Variants in HIGD1C observed in about 807,000 individuals in gnomAD.
HIGD1C encodes the protein HIG1 hypoxia inducible domain family member 1C.
Under a neutral mutation model 13.1 loss-of-function variants are expected in HIGD1C, and 11 were observed. The observed-to-expected ratio is 0.84, with a 90% CI of 0.53 to 1.39. The LOEUF is 1.39. Ranked by LOEUF, HIGD1C falls within the 40% of genes most tolerant of loss-of-function variation. HIGD1C has a pLI of 0.00. For synonymous variants in HIGD1C, 36 were observed against 37.7 expected, an observed-to-expected ratio of 0.95 and a Z score of 0.17; for missense variants, 110 against 112.0, an observed-to-expected ratio of 0.98 and a Z score of 0.08.
chr12:50,932,194 G>T, the HIGD1C span: 2 of 152,126 alleles, frequency 1.3e-5, no homozygotes, highest in Non-Finnish European at 2.9e-5. Context: ...GAATAATTAG[G>T]TATCCTAGGT....
the HIGD1C span, among the ~76,000 whole-genome samples, chr12:50,937,018 C>T: frequency 6.6e-6 from 1 of 152,198 alleles, no homozygotes; most frequent in African/African-American, 2.4e-5. Context: ...GATTTCACAC[C>T]AGCAATTTCT....
At chr12:50,957,774 A>T (rs938279114) in intron 1 of HIGD1C, among the ~76,000 whole-genome samples, 1 of 151,910 alleles carries the variant, frequency 6.6e-6, no homozygotes, top group Non-Finnish European at 1.5e-5. Flanking sequence ...AATCCCAGCT[A>T]CTCAAGAGGC....
At chr12:50,970,614 G>T, downstream of HIGD1C, 1 of 668,874 alleles carries the variant, frequency 1.5e-6, no homozygotes. Flanking sequence ...GTCACAGAAT[G>T]CTCATAGCCT....
intron 2 of HIGD1C, among the ~76,000 whole-genome samples, chr12:50,963,395 A>G (rs2630368): frequency 6.8e-6 from 1 of 146,118 alleles, no homozygotes; most frequent in African/African-American, 2.5e-5. Flanking sequence ...AAAAAAAAAG[A>G]AAAGAAAAGA....
chr12:50,959,900 TCAA>T (rs1939259903), intron 1 of HIGD1C, among the ~76,000 whole-genome samples: 1 of 152,224 alleles, frequency 6.6e-6, no homozygotes, highest in Non-Finnish European at 1.5e-5. Context: ...TCCACCCGCC[TCAA>T]CCTCCCAAAG....
the HIGD1C span, among the ~76,000 whole-genome samples, chr12:50,938,401 C>T: frequency 6.6e-6 from 1 of 152,190 alleles, no homozygotes; most frequent in African/African-American, 2.4e-5. Context: ...AGGGAGCAGG[C>T]ACTTCCAAGC....
rs569185748 is a variant in HIGD1C, at chr12:50,961,187, G to T, written c.229+85G>T. The T allele has an allele frequency of 2.2e-6, 3 of 1,373,372 alleles. No individual in the cohort carries two copies. In the Admixed American group the frequency reaches 5.7e-5, roughly 26 times the overall value. The allele number at this position is 1,373,372 out of a possible 1,614,324, so 85.1% of individuals were successfully genotyped here. A position where few individuals can be genotyped will look rare whatever the true frequency, so the allele number is the denominator to read the frequency against. On this transcript the variant is annotated intron_variant, in intron 2 of 2. Transcript: ENST00000398455. ...TATTCATTCATAGTAGAAGATGAAT[G>T]TTGGGTCACAATGATGTAATGAGAG...
the HIGD1C span, chr12:50,931,429 G>A: frequency 6.6e-6 from 1 of 151,848 alleles, no homozygotes; most frequent in African/African-American, 2.4e-5. Context: ...GAGACAGGGG[G>A]CTGGGCGTGG....
At chr12:50,937,677 G>A in the HIGD1C span, among the ~76,000 whole-genome samples, 1 of 152,182 alleles carries the variant, frequency 6.6e-6, no homozygotes, top group African/African-American at 2.4e-5. Flanking sequence ...ACACTGGAGG[G>A]TGAAGAAGGC....
chr12:50,931,711 CAAAAAAAAAAA>C, the HIGD1C span: 1 of 43,380 alleles, frequency 2.3e-5, no homozygotes, highest in African/African-American at 8.0e-5. Flanking sequence ...GACTCCGTCT[CAAAAAAAAAAA>C]AAAAAAAAAA....
At chr12:50,955,438 T>C (rs1208236471) in intron 1 of HIGD1C, among the ~76,000 whole-genome samples, 1 of 152,244 alleles carries the variant, frequency 6.6e-6, no homozygotes, top group Non-Finnish European at 1.5e-5. Context: ...CTGAGCTTTC[T>C]CTTTCTTCTC....
chr12:50,934,782 C>A, the HIGD1C span, among the ~76,000 whole-genome samples: 1 of 152,164 alleles, frequency 6.6e-6, no homozygotes, highest in South Asian at 2.1e-4. Context: ...AGAAACCAGA[C>A]AGGGCTGGGC....
At chr12:50,935,879 C>T in the HIGD1C span, among the ~76,000 whole-genome samples, 8 of 152,148 alleles carry the variant, frequency 5.3e-5, no homozygotes, top group Middle Eastern at 3.2e-3. Context: ...CTGACACTGC[C>T]GGGCACAGTG....
rs200801540 is a variant in HIGD1C at position 50,953,959 on chromosome 12, C to T, written c.-40C>T. ...AAAACAAATTATTTTTAATGATTCA[C>T]GGCAACCACATTTATATCCTATTGT... On this transcript the variant is annotated 5_prime_UTR_variant, in exon 1 of 3. Coordinates refer to ENST00000398455, the Ensembl canonical transcript of HIGD1C. 115 of 1,178,212 alleles carry T rather than the reference C, an allele frequency of 9.8e-5. No individual in the cohort carries two copies. The East Asian group carries it at 2.3e-3, about 24-fold the overall frequency. 73.0% of individuals were successfully genotyped at this position (1,178,212 alleles called of 1,614,324 possible).
At chr12:50,968,872 T>C (rs1939651173) in intron 2 of HIGD1C, among the ~76,000 whole-genome samples, 1 of 151,014 alleles carries the variant, frequency 6.6e-6, no homozygotes, top group African/African-American at 2.4e-5. Context: ...TAGAAATGGG[T>C]CTCGCTATTT....
upstream of HIGD1C, among the ~76,000 whole-genome samples, chr12:50,953,765 C>T (rs1395772219): frequency 6.7e-6 from 1 of 150,144 alleles, no homozygotes; most frequent in African/African-American, 2.4e-5. Context: ...TTCATGAAAT[C>T]TGATTATCAT....
the HIGD1C span, among the ~76,000 whole-genome samples, chr12:50,935,706 C>T: frequency 6.6e-6 from 1 of 152,094 alleles, no homozygotes; most frequent in Non-Finnish European, 1.5e-5. Flanking sequence ...CCAGGCTGGT[C>T]TCAAACACCT....
chr12:50,970,498 A>G (rs1939724544), exon 3 of HIGD1C: 1 of 1,523,994 alleles, frequency 6.6e-7, no homozygotes, highest in African/African-American at 1.4e-5. Flanking sequence ...CAGTGAGTCC[A>G]AAAAATGAAG....
chr12:50,942,915 G>T, the HIGD1C span, among the ~76,000 whole-genome samples: 1 of 151,160 alleles, frequency 6.6e-6, no homozygotes, highest in East Asian at 2.0e-4. Context: ...GCCCAGGGCG[G>T]AGTGCAATGG....
Sources: gnomAD v4.1 joint callset for allele counts (sites outside exome capture counted in the v4.1 genomes callset) on GRCh38, gnomAD v4.1.1 for gene constraint, MANE v1.5 for transcripts, NCBI Gene and HGNC (gene_info 2026-07-23, HGNC 2026-07-21) for gene names.